The following SEC16B variants were observed in gnomAD, a reference collection of about 807,000 sequenced individuals.
The protein encoded by SEC16B is SEC16 homolog B, endoplasmic reticulum export factor.
SEC16B carries 115 observed loss-of-function variants against 141.8 expected under a neutral mutation model. That is an observed-to-expected ratio of 0.81 (90% CI 0.70 to 0.95). The LOEUF (loss-of-function observed/expected upper bound fraction) is 0.95, where lower values mean the gene tolerates loss of function less well. Ranked by LOEUF, SEC16B falls within the 40% of genes least tolerant of loss-of-function variation. The probability of loss-of-function intolerance (pLI) is 0.00; values close to 1 mark genes in which losing one functional copy is unlikely to be tolerated. For synonymous variants in SEC16B, 493 were observed against 492.5 expected (o/e 1.00, Z -0.01); for missense variants, 1,291 against 1,312.3 (o/e 0.98, Z 0.25).
At position 177,940,604 on chromosome 1, in the gene SEC16B, A is replaced by T. The variant is rs759315029; in HGVS notation, c.2127+6T>A. 6.2e-7 allele frequency: 1 copy of T among 1,609,164 alleles called. No homozygotes were observed. The highest frequency in any genetic ancestry group is 8.5e-7 in the Non-Finnish European group (1 of 1,176,032). Reference sequence around the variant, plus strand: ...CCCCCAACGCCCTGGCTCCAATCCCACTCACCTCCAGCTGCCTCCGAAGTT... The same window carrying T: ...CCCCCAACGCCCTGGCTCCAATCCCTCTCACCTCCAGCTGCCTCCGAAGTT... On this transcript the variant is annotated splice_donor_region_variant and intron_variant, in intron 17 of 25. Transcript: ENST00000308284.
chr1:177,936,038 A>T (rs1650811377), intron 20 of SEC16B, among the ~76,000 whole-genome samples: 1 of 152,214 alleles, frequency 6.6e-6, no homozygotes, highest in African/African-American at 2.4e-5. Context: ...GGTAACAGAG[A>T]TCTGAGAGGC....
intron 14 of SEC16B, 175 bp downstream of exon 14, chr1:177,946,245 G>A: frequency 1.5e-6 from 1 of 667,944 alleles, no homozygotes. Flanking sequence ...TGTAATGTGG[G>A]GCCCACGGGG....
chr1:177,983,722 G>C (rs1195327304), intron 1 of SEC16B, among the ~76,000 whole-genome samples: 1 of 152,150 alleles, frequency 6.6e-6, no homozygotes, highest in African/African-American at 2.4e-5. Context: ...TATAGCTTGA[G>C]AGCAAAAGTT....
chr1:177,945,193 A>T (rs905445410), intron 14 of SEC16B: 6 of 152,614 alleles, frequency 3.9e-5, no homozygotes, highest in African/African-American at 1.4e-4. Flanking sequence ...CATACATTGG[A>T]TGTTCATTCC....
chr1:177,935,772 G>A lies in SEC16B; in HGVS notation c.2571+526C>T, dbSNP rs985068868. Among the ~76,000 whole-genome samples, 168 of 152,180 alleles carry A rather than the reference G, an allele frequency of 1.1e-3. 2 individuals are homozygous for A. Among genetic ancestry groups the A allele is most frequent in the African/African-American group, 1.7e-4 (7 of 41,522 alleles). On this transcript the variant is annotated intron_variant, in intron 20 of 25. Coordinates refer to ENST00000308284, the MANE Select transcript of SEC16B (RefSeq NM_033127.4). ...CTCCAACCAGGAGAAGCTGAAGAAC[G>A]CCTCAGGTTTGGGACCAACACTGCC...
Position 177,936,241 on chromosome 1 carries a change from G to A in SEC16B, c.2571+57C>T, listed in dbSNP as rs372966306. The A allele has an allele frequency of 8.2e-6, 12 of 1,456,338 alleles. No individual in the cohort carries two copies. In the African/African-American group the frequency reaches 1.1e-4, roughly 14 times the overall value. 90.2% of individuals were successfully genotyped at this position (1,456,338 alleles called of 1,614,324 possible). A position where few individuals can be genotyped will look rare whatever the true frequency, so the allele number is the denominator to read the frequency against. On this transcript the variant is annotated intron_variant, in intron 20 of 25. Transcript: ENST00000308284. ...TGTGGCTGGGAAACCAAGGCAACTG[G>A]TAAAAACCAGAAGCATTTGAGTGGG... is the stretch of plus-strand genomic sequence containing the variant.
chr1:177,961,452 T>C lies in SEC16B; in HGVS notation c.787+138A>G, dbSNP rs1653051851. The C allele has an allele frequency of 6.0e-6, 5 of 829,098 alleles. No individual in the cohort carries two copies. In the South Asian group the frequency reaches 9.8e-5, roughly 16 times the overall value. The allele number at this position is 829,098 out of a possible 1,614,324, so 51.4% of individuals were successfully genotyped here. ...AAAAGAGAGAAAATGGAACCAAAGT[T>C]GACCTCTCTGCCCAGGTGACCTACA... On this transcript the variant is annotated intron_variant, in intron 6 of 25. Coordinates refer to ENST00000308284, the MANE Select transcript of SEC16B (RefSeq NM_033127.4).
At chr1:177,963,555 A>G (rs1477525392) in intron 5 of SEC16B, among the ~76,000 whole-genome samples, 2 of 152,192 alleles carry the variant, frequency 1.3e-5, no homozygotes, top group African/African-American at 4.8e-5. Context: ...GTAAGCCGAG[A>G]TTGCACCACT....
chr1:177,929,968 C>T (rs749700235), intron 25 of SEC16B, 39 bp from the exon 26 acceptor site: 3 of 1,602,120 alleles, frequency 1.9e-6, no homozygotes, highest in Non-Finnish European at 2.6e-6. Flanking sequence ...AGTACAGCCC[C>T]AAACATGACT....
At chr1:177,983,828 T>C (rs1472092402) in intron 1 of SEC16B, among the ~76,000 whole-genome samples, 1 of 152,232 alleles carries the variant, frequency 6.6e-6, no homozygotes, top group Non-Finnish European at 1.5e-5. Flanking sequence ...ACTGCTAAGC[T>C]TCCTTTCATC....
At chr1:177,954,542 C>T in intron 10 of SEC16B, among the ~76,000 whole-genome samples, 166 bp from the exon 11 acceptor site, 1 of 152,196 alleles carries the variant, frequency 6.6e-6, no homozygotes, top group East Asian at 1.9e-4. Context: ...GTAGCTAGCA[C>T]AGTATTTTTC....
intron 6 of SEC16B, chr1:177,961,249 A>G (rs1040082103): frequency 9.3e-6 from 4 of 429,824 alleles, no homozygotes; most frequent in African/African-American, 6.1e-5. Flanking sequence ...ACTCATGACA[A>G]AGTTCCTACA....
At chr1:177,960,526 A>C (rs1266557015) in intron 7 of SEC16B, 123 bp from the exon 8 acceptor site, 1 of 761,764 alleles carries the variant, frequency 1.3e-6, no homozygotes, top group Non-Finnish European at 2.2e-6. Flanking sequence ...TTGTGGAGAA[A>C]GCAGAAAGAA....
rs747872160 is a variant in SEC16B, at chr1:177,942,007, C to A, written c.1915G>T (p.Asp639Tyr). ...YKLLYASRLA[D>Y]YGLVSQALHY... ...AAAGCCTGGGACACGAGGCCATAAT[C>A]TGCCAGACGGGAAGCATAAAGGAGC... Residue 639 changes from aspartate to tyrosine, a missense_variant, in exon 16 of 26, where the codon GAT becomes TAT. By Grantham distance (160) the Asp-to-Tyr change is radical (BLOSUM62 -3). Around this residue, in one of 3 missense-constraint regions of SEC16B, gnomAD observed 605 missense variants for 614.1 expected, o/e 0.99. Transcript: ENST00000308284. The A allele has an allele frequency of 3.1e-6, 5 of 1,613,988 alleles. No homozygotes were observed. The highest frequency in any genetic ancestry group is 4.2e-6 in the Non-Finnish European group (5 of 1,179,874).
intron 6 of SEC16B, 60 bp from the exon 7 acceptor site, chr1:177,960,999 T>G (rs1653022600): frequency 6.4e-7 from 1 of 1,570,398 alleles, no homozygotes; most frequent in Admixed American, 1.7e-5. Flanking sequence ...TTTTCTTTAG[T>G]TTAGGAATAT....
chr1:177,932,356 G>C, intron 24 of SEC16B, 134 bp downstream of exon 24: 1 of 621,566 alleles, frequency 1.6e-6, no homozygotes, highest in Non-Finnish European at 2.6e-6. Flanking sequence ...TGTTATGACA[G>C]CCTGAGCAAA....
chr1:177,958,081 A>T (rs1009726225), intron 10 of SEC16B, 51 bp downstream of exon 10: 21 of 1,259,392 alleles, frequency 1.7e-5, no homozygotes, highest in Non-Finnish European at 2.0e-5. Flanking sequence ...AGTGGTGGAG[A>T]GGGATGGTGA....
intron 1 of SEC16B, among the ~76,000 whole-genome samples, chr1:177,980,788 G>T (rs1654376768): frequency 6.7e-6 from 1 of 149,708 alleles, no homozygotes; most frequent in South Asian, 2.1e-4. Context: ...AGAAAGAAAA[G>T]AAAGAAAAAA....
At chr1:177,964,687 A>T (rs1653367312) in intron 4 of SEC16B, among the ~76,000 whole-genome samples, 1 of 152,204 alleles carries the variant, frequency 6.6e-6, no homozygotes, top group South Asian at 2.1e-4. Context: ...GGCTGAGGAA[A>T]AGCACCACAG....
Sources: gnomAD v4.1 joint callset for allele counts (sites outside exome capture counted in the v4.1 genomes callset) on GRCh38, gnomAD v4.1.1 for gene constraint, gnomAD v4.1.1 regional missense constraint, MANE v1.5 for transcripts, NCBI Gene and HGNC (gene_info 2026-07-23, HGNC 2026-07-21) for gene names.